The following TMEM114 variants were observed in gnomAD, a reference collection of about 807,000 sequenced individuals.
TMEM114 encodes claudin-26.
In TMEM114, 6 loss-of-function variants were observed where a neutral mutation model predicts 6.2. The observed-to-expected ratio is 0.97, with a 90% CI of 0.53 to 1.91. TMEM114 has a LOEUF of 1.91. Ranked by LOEUF, TMEM114 falls within the 40% of genes most tolerant of loss-of-function variation. The pLI, the probability that TMEM114 is intolerant of heterozygous loss-of-function variation, is 0.01. For synonymous variants in TMEM114, 104 were observed against 73.0 expected (o/e 1.42, Z -2.16); for missense variants, 218 against 158.3 (o/e 1.38, Z -2.02).
In TMEM114 at chr16:8,589,264, G is replaced by T. The variant is rs1397356393; in HGVS notation, c.250C>A (p.Pro84Thr). 9.0e-5 allele frequency: 36 copies of T among 398,846 alleles called. No homozygotes were observed. In the South Asian group the frequency reaches 1.9e-3, roughly 21 times the overall value. The allele number at this position is 398,846 out of a possible 1,614,324, so 24.7% of individuals were successfully genotyped here. Residue 84 changes from proline to threonine, a missense_variant, in exon 2 of 4, where the codon CCC (proline) becomes ACC (threonine). Physicochemically the swap from Pro to Thr is conservative, Grantham distance 38. Coordinates refer to ENST00000620492, the MANE Select transcript of TMEM114 (RefSeq NM_001146336.2). ...VQSPCTPLMN[P>T]FRLENVTVSE... ...ACTGTCACGTTCTCCAGCCTGAAGG[G>T]GTTCATCAGCGGTGTGCACGGGCTC... is the stretch of plus-strand genomic sequence containing the variant.
At chr16:8,577,955 G>C (rs1901999029) in intron 2 of TMEM114, among the ~76,000 whole-genome samples, 1 of 152,152 alleles carries the variant, frequency 6.6e-6, no homozygotes, top group African/African-American at 2.4e-5. Context: ...TCCCCAGTGA[G>C]GGCCAAGCCC....
chr16:8,586,651 A>G (rs893685454), intron 2 of TMEM114, among the ~76,000 whole-genome samples: 1 of 152,028 alleles, frequency 6.6e-6, no homozygotes, highest in African/African-American at 2.4e-5. Context: ...CTGGGACTAC[A>G]GGCAGGTGGC....
At chr16:8,540,754 G>A (rs28434278) in intron 2 of TMEM114, among the ~76,000 whole-genome samples, 9,525 of 152,262 alleles carry the variant, frequency 0.063, 333 homozygotes, top group East Asian at 0.17. Flanking sequence ...GGGAGAGATG[G>A]ACATAAACCA....
chr16:8,536,024 G>A (rs58083961), downstream of TMEM114, among the ~76,000 whole-genome samples: 1,602 of 152,202 alleles, frequency 0.011, 33 homozygotes, highest in African/African-American at 0.037. Flanking sequence ...TGAGGAGTTG[G>A]AGACCAGCCT....
intron 2 of TMEM114, among the ~76,000 whole-genome samples, chr16:8,574,550 C>CTTCTTTCT (rs771760042): frequency 9.5e-4 from 139 of 147,028 alleles, no homozygotes; most frequent in African/African-American, 3.5e-3. Flanking sequence ...GTGGTCTTTC[C>CTTCTTTCT]TTCTTTCTTT....
intron 2 of TMEM114, among the ~76,000 whole-genome samples, chr16:8,563,231 G>C (rs1346486769): frequency 6.6e-6 from 1 of 151,886 alleles, no homozygotes; most frequent in Non-Finnish European, 1.5e-5. Context: ...GTAAGTGAAT[G>C]AGTGAGTGAA....
At chr16:8,561,852 ATGAGTGAG>A (rs36127761) in intron 2 of TMEM114, among the ~76,000 whole-genome samples, 1 of 141,818 alleles carries the variant, frequency 7.1e-6, no homozygotes, top group East Asian at 2.1e-4. Flanking sequence ...GAGTGAATGA[ATGAGTGAG>A]TGAGGGAATG....
downstream of TMEM114, among the ~76,000 whole-genome samples, chr16:8,569,001 G>C (rs1418840209): frequency 4.6e-5 from 7 of 152,228 alleles, no homozygotes; most frequent in African/African-American, 1.4e-4. Flanking sequence ...AGAAATGTGA[G>C]TTTTTGGGCT....
intron 2 of TMEM114, among the ~76,000 whole-genome samples, chr16:8,538,706 C>T (rs1330122511): frequency 6.6e-6 from 1 of 152,076 alleles, no homozygotes; most frequent in East Asian, 1.9e-4. Context: ...TGGGGTTTCA[C>T]CCTGTTAGCC....
intron 3 of TMEM114, among the ~76,000 whole-genome samples, chr16:8,571,063 C>T (rs1901718472): frequency 6.6e-6 from 1 of 151,400 alleles, no homozygotes; most frequent in Non-Finnish European, 1.5e-5. Context: ...CACCTCCAGA[C>T]ATCCCTTTTG....
chr16:8,555,521 G>GTGT (rs1472225103), intron 2 of TMEM114, among the ~76,000 whole-genome samples: 1 of 152,206 alleles, frequency 6.6e-6, no homozygotes, highest in East Asian at 1.9e-4. Flanking sequence ...TAATTTCTGG[G>GTGT]TGTTGTCATG....
chr16:8,558,079 C>T (rs1901072403), intron 2 of TMEM114, among the ~76,000 whole-genome samples: 1 of 151,962 alleles, frequency 6.6e-6, no homozygotes. Flanking sequence ...CATGGTGAAA[C>T]CCCATCTCTA....
intron 2 of TMEM114, among the ~76,000 whole-genome samples, chr16:8,574,408 A>G (rs1487699171): frequency 6.6e-6 from 1 of 152,124 alleles, no homozygotes; most frequent in East Asian, 1.9e-4. Context: ...TTGGTCCGTG[A>G]CCTCCACTCT....
At chr16:8,555,889 G>A (rs1406655423) in intron 2 of TMEM114, among the ~76,000 whole-genome samples, 1 of 152,172 alleles carries the variant, frequency 6.6e-6, no homozygotes, top group East Asian at 1.9e-4. Flanking sequence ...CCAAGGTTGG[G>A]AAAGCCTGGT....
At chr16:8,574,577 C>CTTT in intron 2 of TMEM114, among the ~76,000 whole-genome samples, 3 of 129,302 alleles carry the variant, frequency 2.3e-5, no homozygotes, top group African/African-American at 8.6e-5. Flanking sequence ...TTCTTTCCTT[C>CTTT]CTTCCTTCTT....
chr16:8,554,638 A>G (rs1403227638), intron 2 of TMEM114, among the ~76,000 whole-genome samples: 1 of 152,016 alleles, frequency 6.6e-6, no homozygotes, highest in Non-Finnish European at 1.5e-5. Context: ...TATTTGCTGA[A>G]TGTAAGAATG....
chr16:8,554,762 G>C (rs778962229), intron 2 of TMEM114, among the ~76,000 whole-genome samples: 4 of 152,214 alleles, frequency 2.6e-5, no homozygotes, highest in Non-Finnish European at 5.9e-5. Context: ...GAGAAGTCCT[G>C]TTCTACGTAC....
At chr16:8,585,958 C>T (rs936087150) in intron 2 of TMEM114, among the ~76,000 whole-genome samples, 28 of 152,270 alleles carry the variant, frequency 1.8e-4, no homozygotes, top group Admixed American at 4.6e-4. Context: ...TGAGGGTGAA[C>T]GAGTGAATAG....
chr16:8,585,015 T>C (rs1212802531), intron 2 of TMEM114, among the ~76,000 whole-genome samples: 2 of 139,596 alleles, frequency 1.4e-5, no homozygotes, highest in Non-Finnish European at 3.1e-5. Context: ...AGGAAAGAGG[T>C]TTAATGGACT....
Sources: gnomAD v4.1 joint callset for allele counts (sites outside exome capture counted in the v4.1 genomes callset) on GRCh38, gnomAD v4.1.1 for gene constraint, MANE v1.5 for transcripts, NCBI Gene and HGNC (gene_info 2026-07-23, HGNC 2026-07-21) for gene names.